MACROD2: variants seen among roughly 807,000 people sequenced by gnomAD.
MACROD2 encodes the protein mono-ADP ribosylhydrolase 2, also known as ADP-ribose glycohydrolase MACROD2.
In MACROD2, 36 loss-of-function variants were observed where a neutral mutation model predicts 70.4. The ratio of observed to expected loss-of-function variants is 0.51; its 90% CI spans 0.39 to 0.68. MACROD2 has a LOEUF of 0.68. Among genes scored for constraint, MACROD2 ranks in the 30% least tolerant of loss-of-function variants. MACROD2 has a pLI of 0.00. For missense variants in MACROD2, 496 were observed against 538.4 expected (o/e 0.92, Z 0.78); for synonymous variants, 172 against 178.8 (o/e 0.96, Z 0.30).
intron 4 of MACROD2, among the ~76,000 whole-genome samples, chr20:14,558,193 T>C (rs1600383593): frequency 6.6e-6 from 1 of 151,772 alleles, no homozygotes; most frequent in African/African-American, 2.4e-5. Flanking sequence ...GATTACTGAT[T>C]GTTGGGGGAA....
rs115089326 is a variant in MACROD2, at chr20:14,499,463, G to A, written c.301+5955G>A. Among the ~76,000 whole-genome samples, 946 of 152,088 alleles carry A rather than the reference G, an allele frequency of 6.2e-3. 18 individuals carry two copies. Among genetic ancestry groups the A allele is most frequent in the African/African-American group, 0.021 (888 of 41,464 alleles). On this transcript the variant is annotated intron_variant, in intron 4 of 17. Transcript: ENST00000684519. Reference sequence around the variant, plus strand: ...TGGGAGGATCGCTTGAGCTCTGGACGTTGAGGCTGCAGTGAGCCGTGATCA... The same window carrying A: ...TGGGAGGATCGCTTGAGCTCTGGACATTGAGGCTGCAGTGAGCCGTGATCA...
intron 4 of MACROD2, among the ~76,000 whole-genome samples, chr20:14,639,813 C>G (rs1215000992): frequency 6.6e-6 from 1 of 152,152 alleles, no homozygotes; most frequent in East Asian, 1.9e-4. Context: ...CAAATCAACA[C>G]TCACATAGTA....
chr20:15,015,438 AT>A (rs35446211), intron 5 of MACROD2, among the ~76,000 whole-genome samples: 5 of 149,334 alleles, frequency 3.3e-5, no homozygotes, highest in Non-Finnish European at 5.9e-5. Context: ...CTGGTTGTTA[AT>A]TTTTTTTCTA....
intron 17 of MACROD2, 119 bp from the exon 18 acceptor site, chr20:16,049,711 T>A: frequency 1.1e-6 from 1 of 933,746 alleles, no homozygotes; most frequent in South Asian, 1.6e-5. Flanking sequence ...AATAAGATAT[T>A]TCTGGGCCTA....
At chr20:14,491,030 A>C (rs1356125152) in intron 3 of MACROD2, among the ~76,000 whole-genome samples, 1 of 152,160 alleles carries the variant, frequency 6.6e-6, no homozygotes, top group African/African-American at 2.4e-5. Flanking sequence ...AATCTATTGG[A>C]GATAATGAAG....
intron 5 of MACROD2, among the ~76,000 whole-genome samples, chr20:15,066,625 AC>A (rs1157120003): frequency 3.3e-5 from 5 of 151,296 alleles, no homozygotes; most frequent in Admixed American, 3.3e-4. Context: ...CATGCCTGTA[AC>A]CCCAGCATTT....
In MACROD2 at chr20:14,504,156, A is replaced by G. The variant is rs193186416; in HGVS notation, c.301+10648A>G. 1.1e-4 allele frequency among the ~76,000 whole-genome samples: 16 copies of G among 152,350 alleles called. No individual in the cohort carries two copies. In the East Asian group the frequency reaches 3.1e-3, roughly 29 times the overall value. ...TGCTGAAACCTCAGAATCTTGTAGA[A>G]AATTTGACATATAATAGGCACCTAC... is the stretch of plus-strand genomic sequence containing the variant. On this transcript the variant is annotated intron_variant, in intron 4 of 17. Transcript: ENST00000684519.
intron 2 of MACROD2, among the ~76,000 whole-genome samples, chr20:14,056,507 T>G (rs1174849109): frequency 2.6e-5 from 4 of 152,076 alleles, no homozygotes; most frequent in Non-Finnish European, 5.9e-5. Context: ...AAATTACAGA[T>G]TTGAGTAAAT....
At position 15,496,268 on chromosome 20, in the gene MACROD2, C is replaced by T. The variant is rs760621304; in HGVS notation, c.572-3506C>T. Reference sequence around the variant, plus strand: ...GCTGTTTAAATCAGTAACTTTGAATCGGGAATGTTGCATCAAGGTCCAGGG... The same window carrying T: ...GCTGTTTAAATCAGTAACTTTGAATTGGGAATGTTGCATCAAGGTCCAGGG... On this transcript the variant is annotated intron_variant, in intron 7 of 17. Transcript: ENST00000684519. Among the ~76,000 whole-genome samples the T allele has an allele frequency of 5.3e-5, 8 of 152,194 alleles. No individual in the cohort carries two copies. The South Asian group carries it at 8.3e-4, about 16-fold the overall frequency.
At chr20:15,503,454 T>A (rs2047388692) in intron 8 of MACROD2, among the ~76,000 whole-genome samples, 1 of 152,142 alleles carries the variant, frequency 6.6e-6, no homozygotes, top group African/African-American at 2.4e-5. Context: ...TGAGATTGCT[T>A]GCAAGAAAAA....
intron 5 of MACROD2, among the ~76,000 whole-genome samples, chr20:15,151,281 C>A (rs1271434674): frequency 6.6e-6 from 1 of 152,056 alleles, no homozygotes; most frequent in Non-Finnish European, 1.5e-5. Flanking sequence ...GGCCAGATTT[C>A]CAGCACTTGT....
At chr20:14,444,980 T>A (rs1026185899) in intron 3 of MACROD2, among the ~76,000 whole-genome samples, 16 of 152,048 alleles carry the variant, frequency 1.1e-4, no homozygotes, top group African/African-American at 3.9e-4. Flanking sequence ...ATTGCTACAA[T>A]AGCCTTTGTC....
chr20:15,422,132 C>T (rs1041925611), intron 6 of MACROD2, among the ~76,000 whole-genome samples: 5 of 151,944 alleles, frequency 3.3e-5, no homozygotes, highest in Admixed American at 6.6e-5. Context: ...GCTAAGGAAG[C>T]GAGGATTGGA....
At chr20:15,772,791 A>G (rs1202708083) in intron 8 of MACROD2, among the ~76,000 whole-genome samples, 2 of 152,138 alleles carry the variant, frequency 1.3e-5, no homozygotes, top group East Asian at 3.9e-4. Flanking sequence ...GCCACTCAAG[A>G]ACTTACTCAT....
At chr20:14,435,840 G>A (rs936543847) in intron 3 of MACROD2, among the ~76,000 whole-genome samples, 2 of 151,902 alleles carry the variant, frequency 1.3e-5, no homozygotes, top group African/African-American at 4.8e-5. Context: ...CCAAGTAGCT[G>A]GGTCTACTGG....
At chr20:15,955,410 A>G (rs2065962626) in intron 12 of MACROD2, among the ~76,000 whole-genome samples, 1 of 152,120 alleles carries the variant, frequency 6.6e-6, no homozygotes. Context: ...CAAATGTACC[A>G]TTCTCTTTCA....
intron 3 of MACROD2, among the ~76,000 whole-genome samples, chr20:14,449,617 A>G (rs891284609): frequency 6.6e-6 from 1 of 152,132 alleles, no homozygotes; most frequent in African/African-American, 2.4e-5. Context: ...TTCTAACTGA[A>G]AAGATTGAGG....
intron 5 of MACROD2, among the ~76,000 whole-genome samples, chr20:15,176,005 G>C (rs1179713821): frequency 6.6e-6 from 1 of 152,246 alleles, no homozygotes; most frequent in African/African-American, 2.4e-5. Flanking sequence ...TCTGCCCCCT[G>C]GCCTCTCCCT....
At chr20:14,608,928 C>G (rs925007984) in intron 4 of MACROD2, among the ~76,000 whole-genome samples, 2 of 152,034 alleles carry the variant, frequency 1.3e-5, no homozygotes, top group African/African-American at 4.8e-5. Flanking sequence ...TACTACTACC[C>G]TCAGATAAGA....
Sources: gnomAD v4.1 joint callset for allele counts (sites outside exome capture counted in the v4.1 genomes callset) on GRCh38, gnomAD v4.1.1 for gene constraint, MANE v1.5 for transcripts, NCBI Gene and HGNC (gene_info 2026-07-23, HGNC 2026-07-21) for gene names.